Variants in FBXO28 observed in about 807,000 individuals in gnomAD.
FBXO28 encodes the protein F-box only protein 28.
In FBXO28, 8 loss-of-function variants were observed where a neutral mutation model predicts 38.1. The observed-to-expected ratio is 0.21, with a 90% CI of 0.12 to 0.38. FBXO28 has a LOEUF of 0.38. FBXO28 is among the 10% of genes least tolerant of loss of function. The pLI, the probability that FBXO28 is intolerant of heterozygous loss-of-function variation, is 1.00. For missense variants in FBXO28, 345 were observed against 460.6 expected, an observed-to-expected ratio of 0.75 and a Z score of 2.30; for synonymous variants, 168 against 173.8, an observed-to-expected ratio of 0.97 and a Z score of 0.26.
chr1:224,138,269 T>C (rs972992898), intron 3 of FBXO28, among the ~76,000 whole-genome samples: 6 of 151,920 alleles, frequency 3.9e-5, no homozygotes, highest in African/African-American at 1.5e-4. Context: ...TGCTATTATC[T>C]AGGACAGGAA....
intron 1 of FBXO28, among the ~76,000 whole-genome samples, chr1:224,126,313 A>G (rs1354009477): frequency 1.3e-5 from 2 of 152,204 alleles, no homozygotes; most frequent in Non-Finnish European, 2.9e-5. Context: ...CTAGTAAAAT[A>G]ATTTTGACTG....
intron 3 of FBXO28, among the ~76,000 whole-genome samples, chr1:224,146,206 C>T (rs1241910302): frequency 5.9e-5 from 9 of 151,564 alleles, no homozygotes; most frequent in Non-Finnish European, 1.2e-4. Flanking sequence ...CACACTCCAG[C>T]CTGGGCGATA....
rs1195916098 is a variant in FBXO28, at chr1:224,118,047, A to G, written c.267+3651A>G. Among the ~76,000 whole-genome samples the G allele has an allele frequency of 7.2e-5, 11 of 151,848 alleles. No individual in the cohort carries two copies. The East Asian group carries it at 2.1e-3, about 29-fold the overall frequency. On this transcript the variant is annotated intron_variant, in intron 1 of 4. Transcript: ENST00000366862. ...TTTATTTATTTTTAATTTTTGAGACAGGGTCTCCCTCTGTCGCCCAGGCTG... is the reference window on the plus strand; with the variant it reads ...TTTATTTATTTTTAATTTTTGAGACGGGGTCTCCCTCTGTCGCCCAGGCTG...
rs770109926 is a variant in FBXO28, at chr1:224,153,127, A to C, written c.517-15A>C. 2 of 1,572,676 alleles carry C rather than the reference A, an allele frequency of 1.3e-6. No individual in the cohort carries two copies. Among genetic ancestry groups the C allele is most frequent in the Non-Finnish European group, 1.7e-6 (2 of 1,163,402 alleles). ...AAGAAAAATCTAAAGTGCTAATGAG[A>C]ATTCATTATTTTAGGTGATTGATGA... On this transcript the variant is annotated splice_polypyrimidine_tract_variant and intron_variant, in intron 3 of 4. Transcript: ENST00000366862.
intron 3 of FBXO28, among the ~76,000 whole-genome samples, chr1:224,146,728 G>T (rs867854363): frequency 2.5e-5 from 3 of 121,620 alleles, no homozygotes; most frequent in Admixed American, 1.9e-4. Context: ...TTTTTTGGGA[G>T]ACTGAGTCTT....
intron 3 of FBXO28, among the ~76,000 whole-genome samples, chr1:224,146,729 A>C (rs1361328223): frequency 1.9e-5 from 2 of 105,340 alleles, no homozygotes; most frequent in Non-Finnish European, 3.6e-5. Flanking sequence ...TTTTTGGGAG[A>C]CTGAGTCTTG....
At chr1:224,152,901 T>C (rs1207159548) in intron 3 of FBXO28, among the ~76,000 whole-genome samples, 1 of 124,834 alleles carries the variant, frequency 8.0e-6, no homozygotes, top group Non-Finnish European at 1.6e-5. Context: ...GCACCCAGCT[T>C]GGGCAACGAG....
intron 1 of FBXO28, among the ~76,000 whole-genome samples, chr1:224,126,569 A>G (rs1019073903): frequency 5.3e-4 from 80 of 152,348 alleles, no homozygotes; most frequent in African/African-American, 1.9e-3. Context: ...TGAACCTAGC[A>G]CTTTGGGAGA....
chr1:224,153,286 A>G lies in FBXO28; in HGVS notation c.661A>G (p.Arg221Gly). Residue 221 changes from arginine (R) to glycine (G), a missense_variant, in exon 4 of 5, where the codon AGG (arginine) becomes GGG (glycine). Physicochemically the swap from Arg to Gly is moderately radical, Grantham distance 125. This residue lies in a region of FBXO28 where 151 missense variants were observed against 188.3 expected (regional missense o/e 0.80). Coordinates refer to ENST00000366862, the MANE Select transcript of FBXO28 (RefSeq NM_015176.4). ...TGAAAAGATTGTTCCAATTTTAAAG[A>G]GGAAATTACCAGGATCAGATGTTTC... ...FDEKIVPILK[R>G]KLPGSDVSGR... 6.2e-7 allele frequency: 1 copy of G among 1,611,170 alleles called. No homozygotes were observed. Among genetic ancestry groups the G allele is most frequent in the Non-Finnish European group, 8.5e-7 (1 of 1,178,888 alleles).
chr1:224,118,063 G>A (rs950907583), intron 1 of FBXO28, among the ~76,000 whole-genome samples: 3 of 150,950 alleles, frequency 2.0e-5, no homozygotes, highest in African/African-American at 7.3e-5. Flanking sequence ...TCCCTCTGTC[G>A]CCCAGGCTGG....
chr1:224,114,617 G>GCT (rs1656601380), intron 1 of FBXO28, among the ~76,000 whole-genome samples: 1 of 61,358 alleles, frequency 1.6e-5, no homozygotes. Context: ...TACTTCCTGA[G>GCT]GGGACTTCGC....
intron 3 of FBXO28, among the ~76,000 whole-genome samples, chr1:224,150,091 A>AGGCAG (rs10635099): frequency 0.93 from 140,273 of 151,636 alleles, 65,766 homozygotes; most frequent in Non-Finnish European, 1. Flanking sequence ...TGGGAGGCCA[A>AGGCAG]GGCAGGCAGA....
chr1:224,121,443 A>G (rs183560423), intron 1 of FBXO28, among the ~76,000 whole-genome samples: 1 of 152,362 alleles, frequency 6.6e-6, no homozygotes, highest in East Asian at 1.9e-4. Flanking sequence ...ATATACATAT[A>G]TATGTGTAGT....
At chr1:224,139,301 T>C (rs942775959) in intron 3 of FBXO28, among the ~76,000 whole-genome samples, 1 of 151,856 alleles carries the variant, frequency 6.6e-6, no homozygotes, top group Non-Finnish European at 1.5e-5. Context: ...ATTTTTTTAT[T>C]CTTTTTTTTG....
intron 3 of FBXO28, among the ~76,000 whole-genome samples, chr1:224,149,461 C>CA (rs1300703934): frequency 6.6e-6 from 1 of 152,112 alleles, no homozygotes; most frequent in East Asian, 1.9e-4. Flanking sequence ...AAAGTGCTGG[C>CA]ACCGTAGGTA....
intron 1 of FBXO28, among the ~76,000 whole-genome samples, chr1:224,115,551 G>A (rs1310037859): frequency 2.6e-5 from 4 of 152,136 alleles, no homozygotes; most frequent in African/African-American, 9.7e-5. Flanking sequence ...AATTCAAACT[G>A]ATGGCCAATT....
At chr1:224,147,367 G>A (rs578190434) in intron 3 of FBXO28, among the ~76,000 whole-genome samples, 1 of 149,318 alleles carries the variant, frequency 6.7e-6, no homozygotes, top group East Asian at 2.0e-4. Flanking sequence ...AGGTTGCAGT[G>A]AGCCGAGATC....
At chr1:224,138,721 C>G (rs1361839912) in intron 3 of FBXO28, among the ~76,000 whole-genome samples, 1 of 151,570 alleles carries the variant, frequency 6.6e-6, no homozygotes, top group Admixed American at 6.6e-5. Context: ...AGTCTCTGCT[C>G]TTCTTTTTTA....
At chr1:224,139,455 A>G (rs1399140921) in intron 3 of FBXO28, among the ~76,000 whole-genome samples, 1 of 151,740 alleles carries the variant, frequency 6.6e-6, no homozygotes, top group East Asian at 1.9e-4. Context: ...CTTTATAAAT[A>G]CATTTTGGCC....
Sources: allele counts gnomAD v4.1 joint callset (sites outside exome capture counted in the v4.1 genomes callset), GRCh38; gene constraint gnomAD v4.1.1; regional missense constraint gnomAD v4.1.1; transcripts MANE v1.5; gene names NCBI Gene and HGNC (gene_info 2026-07-23, HGNC 2026-07-21).